PDPR: variants seen among roughly 807,000 people sequenced by gnomAD.
PDPR encodes the protein pyruvate dehydrogenase phosphatase regulatory subunit.
In PDPR, 50 loss-of-function variants were observed where a neutral mutation model predicts 102.2. The observed-to-expected ratio is 0.49, with a 90% CI of 0.39 to 0.62. PDPR has a LOEUF of 0.62. Among genes scored for constraint, PDPR ranks in the 20% least tolerant of loss-of-function variants. PDPR has a pLI of 0.00. For synonymous variants in PDPR, 259 were observed against 406.0 expected, an observed-to-expected ratio of 0.64 and a Z score of 4.35; for missense variants, 625 against 1,098.2, an observed-to-expected ratio of 0.57 and a Z score of 6.09.
rs527383435 is a variant in PDPR, at chr16:70,126,140, C to T, written c.228-1120C>T. Among the ~76,000 whole-genome samples the T allele has an allele frequency of 3.9e-3, 600 of 152,260 alleles. 1 individual carries two copies. The highest frequency in any genetic ancestry group is 0.014 in the African/African-American group (580 of 41,500). ...CCTTGCTTTTTCATTATGATTGTTC[C>T]ATTTTGGTACATAAAGACCTTTTCA... On this transcript the variant is annotated intron_variant, in intron 3 of 18. Transcript: ENST00000288050.
At chr16:70,123,912 G>A (rs1963631862) in intron 3 of PDPR, among the ~76,000 whole-genome samples, 1 of 152,228 alleles carries the variant, frequency 6.6e-6, no homozygotes, top group Non-Finnish European at 1.5e-5. Flanking sequence ...AAATTAACTG[G>A]GAGTGGTTAT....
At position 70,156,947 on chromosome 16, in the gene PDPR, TCTTC is replaced by T. The variant is rs2152123512; in HGVS notation, c.*74_*77del. 6.4e-7 allele frequency: 1 copy of T among 1,562,602 alleles called. No homozygotes were observed. The highest frequency in any genetic ancestry group is 2.4e-5 in the East Asian group (1 of 42,450). The stretch of plus-strand genomic sequence containing the variant: ...AGAGTGGGCGTCACCTTGGAGCTTC[TCTTC>T]CTTCCGCCTCTGTTCCTCTTCTGGA... On this transcript the variant is annotated 3_prime_UTR_variant, in exon 19 of 19. Transcript: ENST00000288050.
chr16:70,121,377 A>G (rs1416840807), intron 3 of PDPR, among the ~76,000 whole-genome samples: 1 of 151,810 alleles, frequency 6.6e-6, no homozygotes, highest in Non-Finnish European at 1.5e-5. Context: ...TTATACCACT[A>G]TACAAGTAAT....
At chr16:70,148,224 GC>G (rs1218185410) in intron 16 of PDPR, among the ~76,000 whole-genome samples, 2 of 152,240 alleles carry the variant, frequency 1.3e-5, no homozygotes, top group Non-Finnish European at 2.9e-5. Flanking sequence ...TCTACCATCA[GC>G]TTGGCTAAAA....
intron 1 of PDPR, 118 bp downstream of exon 1, chr16:70,114,558 C>T (rs545982107): frequency 7.6e-4 from 116 of 152,400 alleles, no homozygotes; most frequent in African/African-American, 2.7e-3. Flanking sequence ...TCCCCGCTAG[C>T]TCACGCTTCC....
intron 17 of PDPR, 140 bp downstream of exon 17, chr16:70,148,693 TG>T (rs1275496131): frequency 2.8e-6 from 2 of 725,122 alleles, no homozygotes; most frequent in African/African-American, 3.5e-5. Context: ...TGTATCTGAT[TG>T]GGCCTTGGGA....
Position 70,160,617 on chromosome 16 carries a change from G to A in PDPR, c.*3738G>A, listed in dbSNP as rs1279622197. The A allele has an allele frequency of 2.0e-5, 3 of 152,592 alleles. No individual in the cohort carries two copies. Among genetic ancestry groups the A allele is most frequent in the Non-Finnish European group, 2.9e-5 (2 of 68,282 alleles). 9.5% of individuals were successfully genotyped at this position (152,592 alleles called of 1,614,324 possible). ...TCTCACTGGGAGGCCCACTGGCCTT[G>A]GATCATCTCCTCATGCACACCCGGA... On this transcript the variant is annotated 3_prime_UTR_variant, in exon 19 of 19. Transcript: ENST00000288050.
chr16:70,115,677 T>C (rs1962567876), intron 2 of PDPR, among the ~76,000 whole-genome samples: 1 of 152,190 alleles, frequency 6.6e-6, no homozygotes, highest in African/African-American at 2.4e-5. Context: ...AACTCGAAGT[T>C]AGAACTAGCA....
Position 70,156,581 on chromosome 16 carries a change from T to G in PDPR, c.2342T>G (p.Leu781Arg). 1 of 1,614,070 alleles carries G rather than the reference T, an allele frequency of 6.2e-7. No homozygotes were observed. Reference sequence around the variant, plus strand: ...GACGACCATGATTCAGACCTAGACCTTTGGCCTTGGTGGGGAGAGCCCATT... The same window carrying G: ...GACGACCATGATTCAGACCTAGACCGTTGGCCTTGGTGGGGAGAGCCCATT... ...ILDDHDSDLD[L>R]WPWWGEPIYR... Residue 781 changes from leucine to arginine, a missense_variant, in exon 19 of 19, where the codon CTT becomes CGT. Physicochemically the swap from Leu to Arg is moderately radical, Grantham distance 102. Coordinates refer to ENST00000288050, the MANE Select transcript of PDPR (RefSeq NM_017990.5).
rs1441028544 is a variant in PDPR at position 70,117,222 on chromosome 16, TA to T, written c.-33+2297del. On this transcript the variant is annotated intron_variant, in intron 2 of 18. Transcript: ENST00000288050. ...TAACTACTTATAAAAATATTAGCTT[TA>T]AAAATTATTTGCCGGTCACAGTGGC... Among the ~76,000 whole-genome samples, 2 of 125,476 alleles carry T rather than the reference TA, an allele frequency of 1.6e-5. 1 individual carries two copies. Among genetic ancestry groups the T allele is most frequent in the Admixed American group, 1.6e-4 (2 of 12,468 alleles). 82.3% of individuals were successfully genotyped at this position (125,476 alleles called of 152,430 possible). A position where few individuals can be genotyped will look rare whatever the true frequency, so the allele number is the denominator to read the frequency against.
chr16:70,139,657 C>T (rs1381439907), intron 11 of PDPR, among the ~76,000 whole-genome samples: 2 of 152,258 alleles, frequency 1.3e-5, no homozygotes, highest in African/African-American at 4.8e-5. Context: ...TGTTATTCTA[C>T]CTTGATCTCT....
chr16:70,133,444 G>T (rs1442811898), intron 9 of PDPR, among the ~76,000 whole-genome samples: 1 of 16,158 alleles, frequency 6.2e-5, no homozygotes. Flanking sequence ...TGAGATAAGA[G>T]TCTTGCTCTG....
Position 70,127,310 on chromosome 16 carries a change from G to A in PDPR, c.278G>A (p.Arg93Lys). ...RFCAGILSTA[R>K]HLTIEQKMAD... The stretch of plus-strand genomic sequence containing the variant: ...TGTGCTGGCATCCTGAGCACTGCCA[G>A]GCACTTGACCATTGAGCAGAAGATG... The change falls in exon 4 of 19, where the codon AGG (arginine) becomes AAG (lysine). Residue 93 changes from arginine to lysine, a missense_variant. Coordinates refer to ENST00000288050, the MANE Select transcript of PDPR (RefSeq NM_017990.5). 1 of 1,610,158 alleles carries A rather than the reference G, an allele frequency of 6.2e-7. No homozygotes were observed. The highest frequency in any genetic ancestry group is 8.5e-7 in the Non-Finnish European group (1 of 1,177,816).
At chr16:70,128,648 AT>A (rs1383059139) in intron 4 of PDPR, 135 bp from the exon 5 acceptor site, 1 of 1,519,346 alleles carries the variant, frequency 6.6e-7, no homozygotes, top group Non-Finnish European at 8.9e-7. Context: ...AGAGAAGCTG[AT>A]TTACCTGCCC....
intron 3 of PDPR, among the ~76,000 whole-genome samples, chr16:70,124,773 C>G (rs1481866130): frequency 3.3e-5 from 5 of 152,196 alleles, no homozygotes; most frequent in Non-Finnish European, 7.3e-5. Flanking sequence ...ATAGAAAAAT[C>G]TCTTTAGGGA....
downstream of PDPR, chr16:70,162,587 C>T (rs1281801821): frequency 1.3e-5 from 2 of 152,520 alleles, no homozygotes; most frequent in African/African-American, 4.8e-5. Flanking sequence ...ATGTGTTTGC[C>T]ACCACAAAGC....
In PDPR at chr16:70,158,116, A is replaced by AC. The variant is rs1184480102; in HGVS notation, c.*1240dup. ...CCCCCCAGGCTCTTTGTTTCCCTCC[A>AC]CCCACCCTTCCATATCCTCTGGAGC... is the stretch of plus-strand genomic sequence containing the variant. On this transcript the variant is annotated 3_prime_UTR_variant, in exon 19 of 19. Coordinates refer to ENST00000288050, the MANE Select transcript of PDPR (RefSeq NM_017990.5). 1.3e-5 allele frequency: 2 copies of AC among 152,774 alleles called. No individual in the cohort carries two copies. Among genetic ancestry groups the AC allele is most frequent in the Admixed American group, 1.3e-4 (2 of 15,274 alleles). 9.5% of individuals were successfully genotyped at this position (152,774 alleles called of 1,614,324 possible).
intron 9 of PDPR, among the ~76,000 whole-genome samples, chr16:70,135,309 T>C (rs1965009857): frequency 6.6e-6 from 1 of 151,736 alleles, no homozygotes; most frequent in Non-Finnish European, 1.5e-5. Context: ...CGATCTCTGC[T>C]CACTTCAACC....
chr16:70,128,083 A>G (rs1169890125), intron 4 of PDPR, among the ~76,000 whole-genome samples: 2 of 152,280 alleles, frequency 1.3e-5, no homozygotes, highest in Non-Finnish European at 2.9e-5. Context: ...AGAAGAAGGG[A>G]GAATCCGACC....
Sources: gnomAD v4.1 joint callset for allele counts (sites outside exome capture counted in the v4.1 genomes callset) on GRCh38, gnomAD v4.1.1 for gene constraint, MANE v1.5 for transcripts, NCBI Gene and HGNC (gene_info 2026-07-23, HGNC 2026-07-21) for gene names.